The following RAPGEF6 variants were observed in gnomAD, a reference collection of about 807,000 sequenced individuals.
RAPGEF6 encodes the protein Rap guanine nucleotide exchange factor 6, also known as PDZ domain containing guanine nucleotide exchange factor (GEF) 2.
In RAPGEF6, 56 loss-of-function variants were observed where a neutral mutation model predicts 171.4. The ratio of observed to expected loss-of-function variants is 0.33; its 90% CI spans 0.26 to 0.41. RAPGEF6 has a LOEUF of 0.41. RAPGEF6 is among the 10% of genes least tolerant of loss of function. RAPGEF6 has a pLI of 1.00. For synonymous variants in RAPGEF6, 692 were observed against 650.1 expected (o/e 1.06, Z -0.98); for missense variants, 1,674 against 1,921.4 (o/e 0.87, Z 2.41).
intron 1 of RAPGEF6, among the ~76,000 whole-genome samples, chr5:131,614,273 C>T (rs1222542635): frequency 1.2e-5 from 1 of 81,392 alleles, no homozygotes; most frequent in Admixed American, 1.9e-4. Flanking sequence ...CAGAGCAAGA[C>T]TCTGTCTCAA....
intron 6 of RAPGEF6, among the ~76,000 whole-genome samples, chr5:131,542,643 C>T (rs1292649396): frequency 6.6e-6 from 1 of 152,128 alleles, no homozygotes; most frequent in Non-Finnish European, 1.5e-5. Flanking sequence ...CTTACAGGCA[C>T]ATAAACAAGA....
At chr5:131,475,993 A>G (rs548693234) in intron 16 of RAPGEF6, among the ~76,000 whole-genome samples, 2 of 152,358 alleles carry the variant, frequency 1.3e-5, no homozygotes, top group East Asian at 3.9e-4. Context: ...ATTTTTTTCA[A>G]TTAAAAAATA....
At chr5:131,493,744 A>C (rs1756449576) in intron 13 of RAPGEF6, among the ~76,000 whole-genome samples, 1 of 152,174 alleles carries the variant, frequency 6.6e-6, no homozygotes, top group African/African-American at 2.4e-5. Context: ...CTTTGAGTAT[A>C]AAGTAGAATG....
At position 131,427,181 on chromosome 5, in the gene RAPGEF6, G is replaced by C. The variant is rs1052927152; in HGVS notation, c.*85C>G. The C allele has an allele frequency of 1.5e-6, 2 of 1,301,770 alleles. No homozygotes were observed. The highest frequency in any genetic ancestry group is 2.9e-5 in the African/African-American group (2 of 68,490). 80.6% of individuals were successfully genotyped at this position (1,301,770 alleles called of 1,614,324 possible). ...GACTGGTTGTAGCAATGAGCTGTTCGTTAGCAATGGCCTGCAGAATCATGA... is the reference window on the plus strand; with the variant it reads ...GACTGGTTGTAGCAATGAGCTGTTCCTTAGCAATGGCCTGCAGAATCATGA... On this transcript the variant is annotated 3_prime_UTR_variant, in exon 28 of 28. Coordinates refer to ENST00000509018, the MANE Select transcript of RAPGEF6 (RefSeq NM_016340.6).
At chr5:131,596,718 T>A (rs1429687901) in intron 3 of RAPGEF6, among the ~76,000 whole-genome samples, 1 of 152,002 alleles carries the variant, frequency 6.6e-6, no homozygotes, top group African/African-American at 2.4e-5. Context: ...CTCCTACCTC[T>A]CACTATATAC....
At chr5:131,491,470 T>C (rs887078936) in intron 14 of RAPGEF6, among the ~76,000 whole-genome samples, 1 of 152,184 alleles carries the variant, frequency 6.6e-6, no homozygotes, top group South Asian at 2.1e-4. Flanking sequence ...TAAATGATTC[T>C]GATGATCAGG....
rs947253996 is a variant in RAPGEF6, at chr5:131,508,272, A to G, written c.806-65T>C. On this transcript the variant is annotated intron_variant, in intron 8 of 27. Coordinates refer to ENST00000509018, the MANE Select transcript of RAPGEF6 (RefSeq NM_016340.6). ...GACTATACCTTAAAAATACAACGAA[A>G]TCTAGAATTCAATTCCCAATTTCAC... The G allele has an allele frequency of 1.8e-5, 26 of 1,417,438 alleles. No homozygotes were observed. The African/African-American group carries it at 3.1e-4, about 17-fold the overall frequency. The allele number at this position is 1,417,438 out of a possible 1,614,324, so 87.8% of individuals were successfully genotyped here.
chr5:131,583,728 C>G (rs13355301), intron 4 of RAPGEF6, among the ~76,000 whole-genome samples: 10,023 of 152,230 alleles, frequency 0.066, 792 homozygotes, highest in African/African-American at 0.19. Context: ...GCCACTTACT[C>G]AAGGCTTCCT....
At chr5:131,501,051 G>A (rs1302658043) in intron 11 of RAPGEF6, among the ~76,000 whole-genome samples, 1 of 150,702 alleles carries the variant, frequency 6.6e-6, no homozygotes, top group Non-Finnish European at 1.5e-5. Context: ...GGGATTACAT[G>A]TCTGAGGCAC....
At chr5:131,487,888 A>C (rs1169048019) in intron 15 of RAPGEF6, among the ~76,000 whole-genome samples, 1 of 152,232 alleles carries the variant, frequency 6.6e-6, no homozygotes, top group African/African-American at 2.4e-5. Flanking sequence ...ATCTAGAGTA[A>C]AATGCTCCAT....
intron 5 of RAPGEF6, among the ~76,000 whole-genome samples, chr5:131,555,109 A>G (rs1561558791): frequency 6.6e-6 from 1 of 152,204 alleles, no homozygotes; most frequent in Admixed American, 6.5e-5. Context: ...ATTAAGGTTC[A>G]CAGAATCCTG....
At chr5:131,492,932 C>T (rs1163796847) in intron 13 of RAPGEF6, 147 bp from the exon 14 acceptor site, 5 of 672,264 alleles carry the variant, frequency 7.4e-6, no homozygotes, top group African/African-American at 1.8e-5. Flanking sequence ...ACTCCCACGC[C>T]AAAGCACTCT....
chr5:131,629,674 G>T (rs1425050229), intron 1 of RAPGEF6, among the ~76,000 whole-genome samples: 3 of 150,812 alleles, frequency 2.0e-5, no homozygotes, highest in Non-Finnish European at 2.9e-5. Context: ...GGTCACTTGA[G>T]CCTGGGAAGT....
intron 4 of RAPGEF6, among the ~76,000 whole-genome samples, chr5:131,563,697 GT>G (rs1357411978): frequency 6.6e-6 from 1 of 152,062 alleles, no homozygotes; most frequent in Non-Finnish European, 1.5e-5. Flanking sequence ...AGAGACAGGG[GT>G]TTTGTCATTT....
chr5:131,471,763 C>A (rs914716548), intron 17 of RAPGEF6, among the ~76,000 whole-genome samples: 7 of 152,132 alleles, frequency 4.6e-5, no homozygotes, highest in African/African-American at 1.7e-4. Context: ...AACTTGACAT[C>A]CCACACTGGA....
At chr5:131,562,261 T>C (rs931925011) in intron 4 of RAPGEF6, among the ~76,000 whole-genome samples, 4 of 152,100 alleles carry the variant, frequency 2.6e-5, no homozygotes, top group African/African-American at 7.2e-5. Flanking sequence ...CAATACTATA[T>C]GAAAATTCTT....
At chr5:131,524,369 A>G (rs1758713283) in intron 6 of RAPGEF6, among the ~76,000 whole-genome samples, 1 of 152,210 alleles carries the variant, frequency 6.6e-6, no homozygotes, top group African/African-American at 2.4e-5. Context: ...TGCACTGTCC[A>G]TGAAGCTGTA....
At chr5:131,558,136 A>C (rs772584082) in intron 5 of RAPGEF6, among the ~76,000 whole-genome samples, 37 of 151,930 alleles carry the variant, frequency 2.4e-4, no homozygotes, top group Admixed American at 2.2e-3. Context: ...CTAAATGAAA[A>C]GGTTTATAAT....
rs1763697652 is a variant in RAPGEF6 at position 131,593,311 on chromosome 5, CAG to C, written c.198-847_198-846del. On this transcript the variant is annotated intron_variant, in intron 3 of 27. Coordinates refer to ENST00000509018, the MANE Select transcript of RAPGEF6 (RefSeq NM_016340.6). ...CAATGTTATCCCAAGGAATTTACCA[CAG>C]AGAAATCATTCTTATTCTTCACAAC... Among the ~76,000 whole-genome samples, 3 of 152,206 alleles carry C rather than the reference CAG, an allele frequency of 2.0e-5. No homozygotes were observed. The South Asian group carries it at 6.2e-4, about 31-fold the overall frequency.
Sources: gnomAD v4.1 joint callset for allele counts (sites outside exome capture counted in the v4.1 genomes callset) on GRCh38, gnomAD v4.1.1 for gene constraint, MANE v1.5 for transcripts, NCBI Gene and HGNC (gene_info 2026-07-23, HGNC 2026-07-21) for gene names.